The following MYPN variants were observed in gnomAD, a reference collection of about 807,000 sequenced individuals.
MYPN encodes the protein sarcomeric protein myopalladin, 145 kDa (MYOP).
A neutral mutation model predicts 129.4 loss-of-function variants in MYPN; 63 were observed. The ratio of observed to expected loss-of-function variants is 0.49; its 90% CI spans 0.40 to 0.60. The LOEUF (loss-of-function observed/expected upper bound fraction) is 0.60. Among genes scored for constraint, MYPN ranks in the 20% least tolerant of loss-of-function variants. The pLI is 0.00. For missense variants in MYPN, 1,596 were observed against 1,635.4 expected (o/e 0.98, Z 0.42); for synonymous variants, 629 against 600.9 (o/e 1.05, Z -0.68).
intron 12 of MYPN, among the ~76,000 whole-genome samples, chr10:68,181,868 C>T (rs2043318339): frequency 2.0e-5 from 3 of 151,926 alleles, no homozygotes; most frequent in Admixed American, 2.0e-4. Context: ...TCCGATGGAC[C>T]CTGGACCCTC....
intron 1 of MYPN, among the ~76,000 whole-genome samples, chr10:68,100,220 T>A (rs2041975701): frequency 6.6e-6 from 1 of 152,156 alleles, no homozygotes; most frequent in South Asian, 2.1e-4. Context: ...ATGAATTAAA[T>A]ATGAAGAACA....
At chr10:68,088,449 G>C (rs2041916585) in intron 1 of MYPN, among the ~76,000 whole-genome samples, 1 of 152,178 alleles carries the variant, frequency 6.6e-6, no homozygotes, top group Non-Finnish European at 1.5e-5. Context: ...CAGAATCCTA[G>C]AGAGGACCAG....
intron 3 of MYPN, 148 bp downstream of exon 3, chr10:68,143,263 C>T (rs1419935260): frequency 1.4e-6 from 1 of 692,794 alleles, no homozygotes; most frequent in South Asian, 1.8e-5. Flanking sequence ...AATACTTAGG[C>T]TCATTTACTG....
At chr10:68,186,448 G>A (rs1181142657) in intron 12 of MYPN, among the ~76,000 whole-genome samples, 1 of 152,130 alleles carries the variant, frequency 6.6e-6, no homozygotes, top group Non-Finnish European at 1.5e-5. Context: ...CGCTGACTAG[G>A]GGCAGGTGCA....
At chr10:68,139,619 T>C (rs2134053624) in intron 2 of MYPN, among the ~76,000 whole-genome samples, 2 of 152,356 alleles carry the variant, frequency 1.3e-5, no homozygotes, top group South Asian at 2.1e-4. Flanking sequence ...TACAAGCTCC[T>C]TGTGGTCTTG....
chr10:68,199,697 T>A, intron 17 of MYPN, 122 bp downstream of exon 17: 4 of 968,362 alleles, frequency 4.1e-6, no homozygotes, highest in Non-Finnish European at 6.5e-6. Context: ...AATTTCCCCT[T>A]CACTGTGGTA....
At chr10:68,120,211 G>C (rs192129885) in intron 1 of MYPN, among the ~76,000 whole-genome samples, 4,053 of 152,002 alleles carry the variant, frequency 0.027, 77 homozygotes, top group Non-Finnish European at 0.038. Flanking sequence ...TTAAGGATGA[G>C]AGAGAGTAGT....
At chr10:68,141,631 G>T (rs557168402) in intron 2 of MYPN, among the ~76,000 whole-genome samples, 6 of 152,024 alleles carry the variant, frequency 3.9e-5, no homozygotes, top group African/African-American at 1.2e-4. Flanking sequence ...GTTTCCCTTC[G>T]CCCCTAATAG....
chr10:68,185,156 G>GGGAGGGAAGGAGGGAA lies in MYPN; in HGVS notation c.2704-3721_2704-3706dup, dbSNP rs566794613. On this transcript the variant is annotated intron_variant, in intron 12 of 19. Coordinates refer to ENST00000358913, the MANE Select transcript of MYPN (RefSeq NM_032578.4). ...CCCGTCAGAAAGAAGGAGGGAGGGA[G>GGGAGGGAAGGAGGGAA]GGAGGGAAGGAGGGAAGGAGGGAAG... Among the ~76,000 whole-genome samples, 756 of 147,454 alleles carry GGGAGGGAAGGAGGGAA rather than the reference G, an allele frequency of 5.1e-3. 16 individuals carry two copies. The highest frequency in any genetic ancestry group is 0.018 in the African/African-American group (691 of 38,776).
intron 12 of MYPN, among the ~76,000 whole-genome samples, chr10:68,186,722 C>A (rs1372947364): frequency 6.6e-6 from 1 of 152,134 alleles, no homozygotes; most frequent in East Asian, 1.9e-4. Context: ...CTTCTAGGTG[C>A]TGTCAATATA....
intron 2 of MYPN, among the ~76,000 whole-genome samples, chr10:68,131,414 A>C (rs532521524): frequency 8.7e-4 from 132 of 152,022 alleles, no homozygotes; most frequent in African/African-American, 2.4e-3. Flanking sequence ...ACAACAACAA[A>C]AAAAACTAAT....
intron 7 of MYPN, among the ~76,000 whole-genome samples, chr10:68,159,805 T>C (rs550424917): frequency 6.6e-6 from 1 of 152,190 alleles, no homozygotes; most frequent in Non-Finnish European, 1.5e-5. Context: ...ATTTTTTTAG[T>C]TTTTCCATAA....
rs201186495 is a variant in MYPN, at chr10:68,131,411, C to CA, written c.902+9079dup. Among the ~76,000 whole-genome samples the CA allele has an allele frequency of 2.7e-4, 40 of 150,542 alleles. No homozygotes were observed. In the East Asian group the frequency reaches 5.9e-3, roughly 22 times the overall value. On this transcript the variant is annotated intron_variant, in intron 2 of 19. Transcript: ENST00000358913. ...CTCAAAAAAAAAAAAAGAACAACAA[C>CA]AAAAAAAACTAATAAGATTTTTGGA...
chr10:68,199,810 C>A lies in MYPN; in HGVS notation c.3493+235C>A, dbSNP rs10998014. On this transcript the variant is annotated intron_variant, in intron 17 of 19. Coordinates refer to ENST00000358913, the MANE Select transcript of MYPN (RefSeq NM_032578.4). ...CCATTAAATAAATGAGAGCCATTGTCATCATCAGTCAATCAATCAATCAAT... is the reference window on the plus strand; with the variant it reads ...CCATTAAATAAATGAGAGCCATTGTAATCATCAGTCAATCAATCAATCAAT... 0.59 allele frequency among the ~76,000 whole-genome samples: 90,122 copies of A among 152,060 alleles called. 28,356 individuals carry two copies. Among genetic ancestry groups the A allele is most frequent in the Non-Finnish European group, 0.69 (47,113 of 67,998 alleles).
At chr10:68,097,180 A>G (rs1020729919) in intron 1 of MYPN, among the ~76,000 whole-genome samples, 9 of 152,220 alleles carry the variant, frequency 5.9e-5, no homozygotes, top group Admixed American at 5.2e-4. Flanking sequence ...GTGAATCTGA[A>G]CTTGATTACT....
At chr10:68,204,906 C>T (rs1312370019) in intron 18 of MYPN, among the ~76,000 whole-genome samples, 4 of 152,030 alleles carry the variant, frequency 2.6e-5, no homozygotes, top group Admixed American at 6.6e-5. Flanking sequence ...GCACTCCAAC[C>T]CCAGCTGTAA....
chr10:68,163,169 T>C (rs2043004026), intron 8 of MYPN, among the ~76,000 whole-genome samples: 1 of 152,038 alleles, frequency 6.6e-6, no homozygotes, highest in Non-Finnish European at 1.5e-5. Context: ...GTGGTGCATG[T>C]CTGTGGTCCC....
At chr10:68,181,439 G>C (rs1361488635) in intron 12 of MYPN, among the ~76,000 whole-genome samples, 1 of 151,858 alleles carries the variant, frequency 6.6e-6, no homozygotes, top group Non-Finnish European at 1.5e-5. Flanking sequence ...GCAGGTGCTC[G>C]CCACCATGCC....
chr10:68,126,035 G>A (rs1564649910), intron 2 of MYPN, among the ~76,000 whole-genome samples: 1 of 152,136 alleles, frequency 6.6e-6, no homozygotes, highest in Non-Finnish European at 1.5e-5. Context: ...GGCCTGGAGT[G>A]CATGATAAAG....
Sources: gnomAD v4.1 joint callset for allele counts (sites outside exome capture counted in the v4.1 genomes callset) on GRCh38, gnomAD v4.1.1 for gene constraint, MANE v1.5 for transcripts, NCBI Gene and HGNC (gene_info 2026-07-23, HGNC 2026-07-21) for gene names.